The following PPIL1 variants were observed in gnomAD, a reference collection of about 807,000 sequenced individuals.
PPIL1 encodes the protein peptidyl-prolyl cis-trans isomerase-like 1.
In PPIL1, 14 loss-of-function variants were observed where a neutral mutation model predicts 19.4. That is an observed-to-expected ratio of 0.72 (90% CI 0.48 to 1.13). The LOEUF (loss-of-function observed/expected upper bound fraction) is 1.13. PPIL1 is among the 50% of genes most tolerant of loss of function. The pLI is 0.00. For missense variants in PPIL1, 192 were observed against 218.0 expected (o/e 0.88, Z 0.75); for synonymous variants, 72 against 73.6 (o/e 0.98, Z 0.11).
chr6:36,863,286 A>G (rs932216816), intron 2 of PPIL1, among the ~76,000 whole-genome samples: 4 of 152,102 alleles, frequency 2.6e-5, no homozygotes, highest in Non-Finnish European at 5.9e-5. Flanking sequence ...TCACTCTTTG[A>G]GGAGAACCTT....
intron 2 of PPIL1, among the ~76,000 whole-genome samples, chr6:36,869,958 A>C (rs1030986349): frequency 3.9e-5 from 6 of 152,178 alleles, no homozygotes; most frequent in African/African-American, 1.4e-4. Context: ...AAAAGTTAAC[A>C]CTGTTCCTTT....
intron 2 of PPIL1, among the ~76,000 whole-genome samples, chr6:36,871,084 CCT>C (rs1188521637): frequency 6.6e-6 from 1 of 152,212 alleles, no homozygotes. Context: ...TGCCTCAGGG[CCT>C]CTGTGTTTGC....
At chr6:36,870,317 A>G (rs2150659944) in intron 2 of PPIL1, among the ~76,000 whole-genome samples, 1 of 152,132 alleles carries the variant, frequency 6.6e-6, no homozygotes, top group South Asian at 2.1e-4. Flanking sequence ...TCACTAATAA[A>G]CCCCATCTAA....
intron 1 of PPIL1, 114 bp downstream of exon 1, chr6:36,874,603 C>A: frequency 7.2e-7 from 1 of 1,390,160 alleles, no homozygotes; most frequent in Non-Finnish European, 1.0e-6. Flanking sequence ...CGCTGCTCCA[C>A]GCCCCTCCAC....
At chr6:36,869,173 G>A (rs530472728) in intron 2 of PPIL1, among the ~76,000 whole-genome samples, 8 of 151,804 alleles carry the variant, frequency 5.3e-5, no homozygotes, top group Admixed American at 2.0e-4. Flanking sequence ...TTGTAGAGAC[G>A]GGGTCTCACT....
rs142791483 is a variant in PPIL1 at position 36,864,241 on chromosome 6, T to C, written c.211+7477A>G. The stretch of plus-strand genomic sequence containing the variant: ...AGCCTAATCGCAGCACTCCCCTGCT[T>C]GAAACCCTCCATCAACACTGTATCA... On this transcript the variant is annotated intron_variant, in intron 2 of 3. Transcript: ENST00000373699. 1.1e-4 allele frequency among the ~76,000 whole-genome samples: 16 copies of C among 152,034 alleles called. 1 individual carries two copies. Among genetic ancestry groups the C allele is most frequent in the African/African-American group, 3.6e-4 (15 of 41,464 alleles).
At chr6:36,860,722 T>C (rs1393187747) in intron 2 of PPIL1, among the ~76,000 whole-genome samples, 2 of 150,966 alleles carry the variant, frequency 1.3e-5, no homozygotes, top group Non-Finnish European at 2.9e-5. Context: ...GAATTTGGCA[T>C]TTCCATGCAT....
Position 36,855,503 on chromosome 6 carries a change from T to C in PPIL1, c.*310A>G, listed in dbSNP as rs1223351074. ...ACCACTGAGAAATGACAGTGGCTGC[T>C]ACATTGTTCGACGTATATCAGAGCA... On this transcript the variant is annotated 3_prime_UTR_variant, in exon 4 of 4. Coordinates refer to ENST00000373699, the MANE Select transcript of PPIL1 (RefSeq NM_016059.5). 1 of 344,450 alleles carries C rather than the reference T, an allele frequency of 2.9e-6. No individual in the cohort carries two copies. The highest frequency in any genetic ancestry group is 2.1e-5 in the African/African-American group (1 of 47,970). 21.3% of individuals were successfully genotyped at this position (344,450 alleles called of 1,614,324 possible). A position where few individuals can be genotyped will look rare whatever the true frequency, so the allele number is the denominator to read the frequency against.
intron 2 of PPIL1, among the ~76,000 whole-genome samples, chr6:36,859,638 C>T (rs963224342): frequency 6.6e-6 from 1 of 152,062 alleles, no homozygotes; most frequent in East Asian, 1.9e-4. Flanking sequence ...CCTCTGGGCA[C>T]GTGGAATAAG....
At chr6:36,868,141 C>CA (rs1561848364) in intron 2 of PPIL1, among the ~76,000 whole-genome samples, 1 of 152,064 alleles carries the variant, frequency 6.6e-6, no homozygotes, top group African/African-American at 2.4e-5. Context: ...TATAATATAA[C>CA]AAAAGCTCAA....
intron 2 of PPIL1, among the ~76,000 whole-genome samples, chr6:36,864,103 C>T (rs1302536563): frequency 6.6e-6 from 1 of 152,000 alleles, no homozygotes; most frequent in Non-Finnish European, 1.5e-5. Context: ...ACAACCATCT[C>T]CAGCTTGAAT....
intron 2 of PPIL1, among the ~76,000 whole-genome samples, chr6:36,868,950 G>A (rs1774452748): frequency 1.3e-5 from 2 of 152,028 alleles, no homozygotes; most frequent in Non-Finnish European, 2.9e-5. Flanking sequence ...CCCAGTTATG[G>A]TCTTTTTTTC....
chr6:36,856,440 A>G, intron 3 of PPIL1, 146 bp downstream of exon 3: 1 of 715,074 alleles, frequency 1.4e-6, no homozygotes. Context: ...TGCTTTCTCT[A>G]ATCCACCAGG....
intron 3 of PPIL1, among the ~76,000 whole-genome samples, chr6:36,856,260 C>G (rs1774165661): frequency 1.3e-5 from 2 of 152,206 alleles, no homozygotes; most frequent in Admixed American, 1.3e-4. Context: ...GCCTTGACCC[C>G]TGATGCTCCT....
intron 2 of PPIL1, among the ~76,000 whole-genome samples, chr6:36,865,638 A>T (rs1774380377): frequency 6.6e-6 from 1 of 152,078 alleles, no homozygotes; most frequent in Admixed American, 6.5e-5. Context: ...CCTCCTTCCC[A>T]TCCTAATCTC....
chr6:36,868,410 A>G (rs1774435773), intron 2 of PPIL1, among the ~76,000 whole-genome samples: 1 of 152,244 alleles, frequency 6.6e-6, no homozygotes, highest in Non-Finnish European at 1.5e-5. Flanking sequence ...GATGAAACAA[A>G]TAACTATATT....
At chr6:36,870,750 A>G (rs951109223) in intron 2 of PPIL1, among the ~76,000 whole-genome samples, 4 of 152,084 alleles carry the variant, frequency 2.6e-5, no homozygotes, top group Non-Finnish European at 5.9e-5. Context: ...CCTCCCGACT[A>G]AGAACCTGAG....
intron 2 of PPIL1, among the ~76,000 whole-genome samples, chr6:36,856,873 G>A (rs897991643): frequency 1.3e-4 from 20 of 152,062 alleles, no homozygotes; most frequent in African/African-American, 4.3e-4. Flanking sequence ...TCAAAATAAC[G>A]CTATTTTTTC....
intron 2 of PPIL1, among the ~76,000 whole-genome samples, chr6:36,868,238 T>C (rs1774433115): frequency 6.6e-6 from 1 of 151,992 alleles, no homozygotes; most frequent in African/African-American, 2.4e-5. Flanking sequence ...AGTAATGAGC[T>C]AGTAGATAAA....
Sources: gnomAD v4.1 joint callset for allele counts (sites outside exome capture counted in the v4.1 genomes callset) on GRCh38, gnomAD v4.1.1 for gene constraint, MANE v1.5 for transcripts, NCBI Gene and HGNC (gene_info 2026-07-23, HGNC 2026-07-21) for gene names.